The following ROBO2 variants were observed in gnomAD, a reference collection of about 807,000 sequenced individuals.
The protein encoded by ROBO2 is roundabout homolog 2.
A neutral mutation model predicts 160.8 loss-of-function variants in ROBO2; 53 were observed. The ratio of observed to expected loss-of-function variants is 0.33; its 90% CI spans 0.26 to 0.41. The LOEUF is 0.41. Among genes scored for constraint, ROBO2 ranks in the 10% least tolerant of loss-of-function variants. The pLI, the probability that ROBO2 is intolerant of heterozygous loss-of-function variation, is 1.00. For synonymous variants in ROBO2, 664 were observed against 611.7 expected, an observed-to-expected ratio of 1.09 and a Z score of -1.26; for missense variants, 1,577 against 1,722.4, an observed-to-expected ratio of 0.92 and a Z score of 1.49.
Position 76,545,294 on chromosome 3 carries a change from T to G in ROBO2, c.110-552720T>G, listed in dbSNP as rs186908492. On this transcript the variant is annotated intron_variant, in intron 2 of 26. Transcript: ENST00000487694. ...GTGAAATTAAGGGTCTATTTTTATC[T>G]ATGTCGGACAATCAAGTCCTGAATT... Among the ~76,000 whole-genome samples the G allele has an allele frequency of 1.3e-3, 205 of 152,098 alleles. No individual in the cohort carries two copies. In the Middle Eastern group the frequency reaches 0.014, roughly 10 times the overall value.
At chr3:76,340,434 TCTAA>T (rs1373149297) in intron 2 of ROBO2, among the ~76,000 whole-genome samples, 1 of 152,162 alleles carries the variant, frequency 6.6e-6, no homozygotes, top group Non-Finnish European at 1.5e-5. Flanking sequence ...AGTCTATCAC[TCTAA>T]CTGATATATT....
chr3:76,907,823 G>GGGGTGTGTGTGTGTGTGTGTGTGTCT (rs112697690), intron 2 of ROBO2, among the ~76,000 whole-genome samples: 1 of 145,432 alleles, frequency 6.9e-6, no homozygotes, highest in Non-Finnish European at 1.5e-5. Flanking sequence ...GTTTGTTTGG[G>GGGGTGTGTGTGTGTGTGTGTGTGTCT]GTGTGTGTGT....
At chr3:76,229,849 T>C (rs1374956440) in intron 2 of ROBO2, among the ~76,000 whole-genome samples, 1 of 152,154 alleles carries the variant, frequency 6.6e-6, no homozygotes, top group Non-Finnish European at 1.5e-5. Flanking sequence ...CCTCCATAAC[T>C]TTAGCTCATG....
intron 2 of ROBO2, among the ~76,000 whole-genome samples, chr3:75,976,089 G>A (rs571440154): frequency 1.3e-5 from 2 of 151,706 alleles, no homozygotes; most frequent in South Asian, 2.1e-4. Flanking sequence ...CACTGGAGAG[G>A]AGAGAATAGT....
At chr3:76,055,197 G>A (rs186206893) in intron 2 of ROBO2, among the ~76,000 whole-genome samples, 35 of 152,134 alleles carry the variant, frequency 2.3e-4, no homozygotes, top group Admixed American at 1.3e-3. Flanking sequence ...GGAAAAAACC[G>A]CCTCCATGAT....
chr3:76,221,110 A>G (rs1212640059), intron 2 of ROBO2, among the ~76,000 whole-genome samples: 2 of 152,206 alleles, frequency 1.3e-5, no homozygotes, highest in Non-Finnish European at 2.9e-5. Flanking sequence ...TTCCCCAGGT[A>G]GTCTGAATCA....
intron 2 of ROBO2, among the ~76,000 whole-genome samples, chr3:76,412,294 A>G (rs2075530588): frequency 1.3e-5 from 2 of 152,216 alleles, no homozygotes; most frequent in Non-Finnish European, 2.9e-5. Flanking sequence ...ATTCAAGTTG[A>G]GGTTTCAATG....
chr3:77,084,641 C>A lies in ROBO2; in HGVS notation c.62-13373C>A, dbSNP rs191766694. 1.5e-3 allele frequency among the ~76,000 whole-genome samples: 222 copies of A among 152,036 alleles called. 1 individual carries two copies. Among genetic ancestry groups the A allele is most frequent in the African/African-American group, 5.0e-3 (207 of 41,480 alleles). ...CCACATGGTAATAACCTGGGGAAACCTGGGGATGATCAGTTTCATTTGATC... is the reference window on the plus strand; with the variant it reads ...CCACATGGTAATAACCTGGGGAAACATGGGGATGATCAGTTTCATTTGATC... On this transcript the variant is annotated intron_variant, in intron 1 of 25. Transcript: ENST00000461745.
At chr3:76,494,576 GGGA>G (rs2080033368) in intron 2 of ROBO2, among the ~76,000 whole-genome samples, 1 of 152,136 alleles carries the variant, frequency 6.6e-6, no homozygotes, top group South Asian at 2.1e-4. Flanking sequence ...TTGTGGTATA[GGGA>G]GGAGATCTTC....
intron 2 of ROBO2, among the ~76,000 whole-genome samples, chr3:76,203,692 A>G (rs2107271289): frequency 6.6e-6 from 1 of 151,680 alleles, no homozygotes; most frequent in African/African-American, 2.4e-5. Context: ...CGGTTCTAGT[A>G]ACCTGAGTGA....
intron 2 of ROBO2, among the ~76,000 whole-genome samples, chr3:76,284,516 T>C (rs562502369): frequency 1.3e-5 from 2 of 152,276 alleles, no homozygotes; most frequent in East Asian, 3.9e-4. Flanking sequence ...TATGAAGTAA[T>C]GAAAAGGATT....
At chr3:76,887,192 G>T (rs904443951) in intron 2 of ROBO2, among the ~76,000 whole-genome samples, 2 of 124,356 alleles carry the variant, frequency 1.6e-5, no homozygotes, top group African/African-American at 5.8e-5. Flanking sequence ...GCTTCAGGAA[G>T]CATTTTTTTT....
chr3:77,608,194 A>G (rs1346032532), intron 21 of ROBO2, among the ~76,000 whole-genome samples: 1 of 152,212 alleles, frequency 6.6e-6, no homozygotes, highest in Non-Finnish European at 1.5e-5. Context: ...GTCTGCAATC[A>G]TGATAATGCA....
intron 2 of ROBO2, among the ~76,000 whole-genome samples, chr3:77,363,122 T>C (rs891173752): frequency 2.6e-5 from 4 of 152,092 alleles, no homozygotes; most frequent in African/African-American, 4.8e-5. Context: ...TTGAACCCAG[T>C]GAGCATAGAA....
In ROBO2 at chr3:76,370,415, C is replaced by T. The variant is rs866980972; in HGVS notation, c.109+432813C>T. 1.8e-4 allele frequency among the ~76,000 whole-genome samples: 28 copies of T among 152,012 alleles called. No individual in the cohort carries two copies. In the South Asian group the frequency reaches 5.4e-3, roughly 29 times the overall value. On this transcript the variant is annotated intron_variant, in intron 2 of 26. Coordinates refer to the ROBO2 transcript ENST00000487694. ...TCAAGAAGAAAGAATAAATGCTTCA[C>T]AGAGGGAAATTTGAACATAATGTCC...
Position 77,596,624 on chromosome 3 carries a change from C to T in ROBO2, c.2728C>T (p.Arg910Cys), listed in dbSNP as rs551729453. Residue 910 changes from arginine (R) to cysteine (C), a missense_variant and splice_region_variant, in exon 19 of 26, where the codon CGT becomes TGT. Transcript: ENST00000461745. Reference sequence around the variant, plus strand: ...ATTTCCTTGTAATTTCTGTTTTAGCCGTCCAGGTCTTCTCAATGCTGGTGA... The same window carrying T: ...ATTTCCTTGTAATTTCTGTTTTAGCTGTCCAGGTCTTCTCAATGCTGGTGA... The T allele has an allele frequency of 6.8e-6, 11 of 1,613,774 alleles. No homozygotes were observed. The African/African-American group carries it at 8.0e-5, about 12-fold the overall frequency.
intron 2 of ROBO2, among the ~76,000 whole-genome samples, chr3:76,528,966 G>T (rs1056012663): frequency 3.9e-5 from 6 of 152,088 alleles, no homozygotes; most frequent in Admixed American, 6.6e-5. Flanking sequence ...AGAGGTGGGA[G>T]AATTAGCAGT....
chr3:77,123,667 A>G (rs2075000240), intron 2 of ROBO2, among the ~76,000 whole-genome samples: 1 of 150,982 alleles, frequency 6.6e-6, no homozygotes, highest in Non-Finnish European at 1.5e-5. Context: ...AACGTAGGTA[A>G]GGGTAGAGGA....
At chr3:77,126,026 A>G (rs75666015) in intron 2 of ROBO2, among the ~76,000 whole-genome samples, 2,842 of 152,308 alleles carry the variant, frequency 0.019, 71 homozygotes, top group African/African-American at 0.063. Flanking sequence ...TTGACCCTAA[A>G]TGACAAAGTA....
Sources: gnomAD v4.1 joint callset for allele counts (sites outside exome capture counted in the v4.1 genomes callset) on GRCh38, gnomAD v4.1.1 for gene constraint, MANE v1.5 for transcripts, NCBI Gene and HGNC (gene_info 2026-07-23, HGNC 2026-07-21) for gene names.